LRP1B: variants seen among roughly 807,000 people sequenced by gnomAD.
LRP1B encodes the protein LDL receptor related protein 1B.
LRP1B carries 217 observed loss-of-function variants against 556.6 expected under a neutral mutation model. That is an observed-to-expected ratio of 0.39 (90% confidence interval 0.35 to 0.44). The LOEUF (loss-of-function observed/expected upper bound fraction) is 0.44. Ranked by LOEUF, LRP1B falls within the 20% of genes least tolerant of loss-of-function variation. The pLI is 1.00. For missense variants in LRP1B, 5,053 were observed against 5,620.8 expected (o/e 0.90, Z 3.23); for synonymous variants, 2,047 against 1,865.8 (o/e 1.10, Z -2.50).
chr2:140,338,398 A>AAGGAGGAAGAGGGAAGAAAGGAGCAG (rs1681206843), intron 77 of LRP1B, among the ~76,000 whole-genome samples: 1 of 151,736 alleles, frequency 6.6e-6, no homozygotes, highest in Non-Finnish European at 1.5e-5. Context: ...AAAAGACAAT[A>AAGGAGGAAGAGGGAAGAAAGGAGCAG]AGGAGGAAGA....
At chr2:141,385,882 T>C (rs1019298485) in intron 3 of LRP1B, among the ~76,000 whole-genome samples, 3 of 152,182 alleles carry the variant, frequency 2.0e-5, no homozygotes, top group Non-Finnish European at 2.9e-5. Flanking sequence ...TGCTGCTTAG[T>C]TTCTCTAAAT....
chr2:140,480,187 G>A lies in LRP1B; in HGVS notation c.9426-4850C>T, dbSNP rs569734678. Among the ~76,000 whole-genome samples the A allele has an allele frequency of 2.5e-4, 38 of 152,270 alleles. 1 individual carries two copies. The South Asian group carries it at 7.3e-3, about 29-fold the overall frequency. ...TGTTCAATATGTGGTGACCAGTTAGGCACAATTAGAAAATGTTTTACAGAG... is the reference window on the plus strand; with the variant it reads ...TGTTCAATATGTGGTGACCAGTTAGACACAATTAGAAAATGTTTTACAGAG... On this transcript the variant is annotated intron_variant, in intron 59 of 90. Coordinates refer to ENST00000389484, the MANE Select transcript of LRP1B (RefSeq NM_018557.3).
chr2:141,921,440 T>C (rs780793026), intron 1 of LRP1B, among the ~76,000 whole-genome samples: 2 of 151,984 alleles, frequency 1.3e-5, no homozygotes, highest in Admixed American at 1.3e-4. Flanking sequence ...TACATGTCTG[T>C]AAAATGTGGG....
At chr2:141,220,015 C>T (rs754735508) in intron 6 of LRP1B, among the ~76,000 whole-genome samples, 4 of 151,946 alleles carry the variant, frequency 2.6e-5, no homozygotes, top group East Asian at 1.9e-4. Flanking sequence ...AGCCAGAGTG[C>T]CTCTTCTCCT....
intron 2 of LRP1B, among the ~76,000 whole-genome samples, chr2:141,589,416 T>C (rs1305238021): frequency 2.0e-5 from 3 of 152,182 alleles, no homozygotes; most frequent in East Asian, 3.9e-4. Context: ...TTTACCTTTA[T>C]AGCTCGGTTC....
At chr2:141,401,675 T>C (rs955398432) in intron 3 of LRP1B, among the ~76,000 whole-genome samples, 2 of 152,230 alleles carry the variant, frequency 1.3e-5, no homozygotes, top group Non-Finnish European at 1.5e-5. Context: ...ATCATGGATT[T>C]CTAAAATGTG....
chr2:140,400,272 A>G (rs371240544), intron 66 of LRP1B, among the ~76,000 whole-genome samples: 5 of 152,180 alleles, frequency 3.3e-5, no homozygotes, highest in Admixed American at 1.3e-4. Flanking sequence ...CCTCTTCCAG[A>G]GCAGCCCTAA....
intron 43 of LRP1B, among the ~76,000 whole-genome samples, chr2:140,579,290 C>A (rs1681663435): frequency 6.6e-6 from 1 of 152,090 alleles, no homozygotes; most frequent in South Asian, 2.1e-4. Flanking sequence ...CACATATTAT[C>A]ATGTCATAAA....
intron 37 of LRP1B, among the ~76,000 whole-genome samples, chr2:140,715,504 T>C (rs1687178600): frequency 6.6e-6 from 1 of 152,000 alleles, no homozygotes; most frequent in African/African-American, 2.4e-5. Context: ...TTAGTTATAC[T>C]TATTTAGAAC....
chr2:141,482,173 C>T (rs941707708), intron 2 of LRP1B, among the ~76,000 whole-genome samples: 4 of 151,864 alleles, frequency 2.6e-5, no homozygotes, highest in East Asian at 1.9e-4. Context: ...AGCAAAAAAA[C>T]GAACTAGAGT....
At chr2:140,685,915 A>T (rs115459506) in intron 41 of LRP1B, among the ~76,000 whole-genome samples, 1,740 of 152,276 alleles carry the variant, frequency 0.011, 31 homozygotes, top group African/African-American at 0.04. Context: ...TAAGGAAGTG[A>T]TAAAGATATT....
chr2:141,863,715 A>T (rs968469711), intron 1 of LRP1B, among the ~76,000 whole-genome samples: 1 of 152,166 alleles, frequency 6.6e-6, no homozygotes, highest in African/African-American at 2.4e-5. Context: ...AAAGTATCCA[A>T]AGCACTTATT....
chr2:140,615,768 C>CCTTACACTAGGCTCTTCT (rs58884582), intron 41 of LRP1B, among the ~76,000 whole-genome samples: 54 of 152,122 alleles, frequency 3.5e-4, no homozygotes, highest in African/African-American at 1.2e-3. Flanking sequence ...AACATGCCTT[C>CCTTACACTAGGCTCTTCT]CTCACCTCTT....
At chr2:140,270,738 C>G (rs1476054742) in intron 85 of LRP1B, among the ~76,000 whole-genome samples, 1 of 151,880 alleles carries the variant, frequency 6.6e-6, no homozygotes, top group African/African-American at 2.4e-5. Flanking sequence ...TGATCAAGTA[C>G]TCTGGAAAAA....
chr2:141,116,021 T>C (rs1700889688), intron 7 of LRP1B, among the ~76,000 whole-genome samples: 1 of 152,174 alleles, frequency 6.6e-6, no homozygotes, highest in Non-Finnish European at 1.5e-5. Context: ...CAAAAAGCAA[T>C]TTCATTATAA....
At chr2:141,662,255 A>G (rs1315314522) in intron 2 of LRP1B, among the ~76,000 whole-genome samples, 1 of 152,222 alleles carries the variant, frequency 6.6e-6, no homozygotes, top group East Asian at 1.9e-4. Context: ...CAATAACACT[A>G]TGAAGCAACT....
intron 2 of LRP1B, among the ~76,000 whole-genome samples, chr2:141,482,954 TTTTTTA>T (rs963194057): frequency 0.12 from 500 of 4,196 alleles, 5 homozygotes; most frequent in Admixed American, 0.33. Context: ...TTTGTTTTGT[TTTTTTA>T]TTTTATTTTA....
intron 22 of LRP1B, among the ~76,000 whole-genome samples, chr2:140,907,038 A>C (rs1694277786): frequency 6.6e-6 from 1 of 151,640 alleles, no homozygotes. Flanking sequence ...TGAGGTCAAA[A>C]TATAACTTTG....
chr2:142,037,761 T>C (rs1211656796), intron 1 of LRP1B, among the ~76,000 whole-genome samples: 1 of 151,614 alleles, frequency 6.6e-6, no homozygotes, highest in Non-Finnish European at 1.5e-5. Context: ...CAATGATGTA[T>C]TTTTTACAGG....
Sources: allele counts gnomAD v4.1 joint callset (sites outside exome capture counted in the v4.1 genomes callset), GRCh38; gene constraint gnomAD v4.1.1; transcripts MANE v1.5; gene names NCBI Gene and HGNC (gene_info 2026-07-23, HGNC 2026-07-21).